Variants in CMIP observed in about 807,000 individuals in gnomAD.
CMIP encodes c-Maf inducing protein, also known as C-Maf-inducing protein.
In CMIP, 13 loss-of-function variants were observed where a neutral mutation model predicts 97.3. The ratio of observed to expected loss-of-function variants is 0.13; its 90% CI spans 0.09 to 0.21. CMIP has a LOEUF of 0.21. Among genes scored for constraint, CMIP ranks in the 10% least tolerant of loss-of-function variants. The pLI is 1.00. For synonymous variants in CMIP, 538 were observed against 436.3 expected, an observed-to-expected ratio of 1.23 and a Z score of -2.91; for missense variants, 847 against 1,024.9, an observed-to-expected ratio of 0.83 and a Z score of 2.37.
intron 2 of CMIP, chr16:81,610,492 A>C (rs2091813222): frequency 1.0e-6 from 1 of 985,492 alleles, no homozygotes; most frequent in Non-Finnish European, 1.2e-6. Context: ...CGAGCTAATG[A>C]GGGAGCAGCA....
At position 81,580,954 on chromosome 16, in the gene CMIP, C is replaced by T. The variant is rs191694938; in HGVS notation, c.301-26613C>T. Among the ~76,000 whole-genome samples, 6 of 152,330 alleles carry T rather than the reference C, an allele frequency of 3.9e-5. No homozygotes were observed. The East Asian group carries it at 7.7e-4, about 20-fold the overall frequency. On this transcript the variant is annotated intron_variant, in intron 1 of 20. Coordinates refer to ENST00000537098, the MANE Select transcript of CMIP (RefSeq NM_198390.3). ...CCCCATTCCCCTCTCTTCCAGCCCC[C>T]TGACAGCCATCAATTTCTGTCTTTT...
At chr16:81,684,941 G>A (rs1905229831) in intron 10 of CMIP, among the ~76,000 whole-genome samples, 1 of 152,356 alleles carries the variant, frequency 6.6e-6, no homozygotes, top group African/African-American at 2.4e-5. Flanking sequence ...CCCATCCTAG[G>A]ATAACAGGCC....
intron 1 of CMIP, chr16:81,607,055 A>AT (rs2091755876): frequency 6.4e-6 from 1 of 155,876 alleles, no homozygotes; most frequent in South Asian, 2.0e-4. Context: ...GGGAGTGTGG[A>AT]TTTTGTGGCC....
At chr16:81,656,112 G>A (rs930149613) in intron 4 of CMIP, among the ~76,000 whole-genome samples, 5 of 152,356 alleles carry the variant, frequency 3.3e-5, no homozygotes, top group Admixed American at 2.6e-4. Context: ...TGCATTCTAG[G>A]TATCTTGGGT....
chr16:81,528,448 A>G (rs1405668586), intron 1 of CMIP, among the ~76,000 whole-genome samples: 1 of 152,190 alleles, frequency 6.6e-6, no homozygotes, highest in Non-Finnish European at 1.5e-5. Context: ...AGCTGTGCTC[A>G]TGCATTGAAT....
At chr16:81,643,922 C>T (rs1037420182) in intron 3 of CMIP, among the ~76,000 whole-genome samples, 6 of 152,126 alleles carry the variant, frequency 3.9e-5, no homozygotes, top group African/African-American at 1.4e-4. Context: ...CCTAGTTTCT[C>T]AGGCCAGAGT....
At chr16:81,492,740 G>A (rs1174422955) in intron 1 of CMIP, among the ~76,000 whole-genome samples, 1 of 152,098 alleles carries the variant, frequency 6.6e-6, no homozygotes, top group Non-Finnish European at 1.5e-5. Flanking sequence ...AATAGACCAC[G>A]GAAACGGCAG....
chr16:81,512,696 TTTTA>T (rs1284723673), intron 1 of CMIP, among the ~76,000 whole-genome samples: 16 of 152,182 alleles, frequency 1.1e-4, no homozygotes, highest in Non-Finnish European at 1.9e-4. Flanking sequence ...TGAATTTCTT[TTTTA>T]TTAATAAAAT....
chr16:81,600,041 G>A (rs2091631285), intron 1 of CMIP, among the ~76,000 whole-genome samples: 1 of 152,016 alleles, frequency 6.6e-6, no homozygotes, highest in South Asian at 2.1e-4. Flanking sequence ...AGCACTTTGG[G>A]AGGCAGAGGT....
intron 15 of CMIP, among the ~76,000 whole-genome samples, chr16:81,700,848 G>A (rs1033295347): frequency 5.9e-5 from 9 of 152,216 alleles, no homozygotes; most frequent in Non-Finnish European, 1.2e-4. Context: ...GTACCTAGAG[G>A]TGCTGGGAAG....
chr16:81,513,281 C>G (rs1473436999), intron 1 of CMIP, among the ~76,000 whole-genome samples: 1 of 152,254 alleles, frequency 6.6e-6, no homozygotes, highest in Admixed American at 6.5e-5. Context: ...TGCCAGCAGG[C>G]TATTCAGAGG....
At chr16:81,644,786 T>C (rs1597187423) in intron 3 of CMIP, among the ~76,000 whole-genome samples, 2 of 152,188 alleles carry the variant, frequency 1.3e-5, no homozygotes, top group South Asian at 2.1e-4. Context: ...TGCACCTTGG[T>C]AGACCTTTTA....
At chr16:81,582,947 TG>T (rs2091320725) in intron 1 of CMIP, among the ~76,000 whole-genome samples, 1 of 152,122 alleles carries the variant, frequency 6.6e-6, no homozygotes, top group African/African-American at 2.4e-5. Flanking sequence ...CTCCTGACGG[TG>T]GCAGTGTGGG....
At chr16:81,450,304 T>C (rs1164753049) in intron 1 of CMIP, among the ~76,000 whole-genome samples, 1 of 152,180 alleles carries the variant, frequency 6.6e-6, no homozygotes, top group Admixed American at 6.5e-5. Flanking sequence ...ATATGGGGCA[T>C]CTCCTCTGTG....
chr16:81,644,329 G>T (rs548467349), intron 3 of CMIP, among the ~76,000 whole-genome samples: 2 of 152,216 alleles, frequency 1.3e-5, no homozygotes, highest in Admixed American at 6.5e-5. Context: ...GGCTGATTTT[G>T]TGACATGGAT....
At chr16:81,466,818 C>T (rs1040461402) in intron 1 of CMIP, among the ~76,000 whole-genome samples, 3 of 152,202 alleles carry the variant, frequency 2.0e-5, no homozygotes, top group Admixed American at 6.5e-5. Flanking sequence ...TCCCTGGGAA[C>T]TAGGAACAAA....
chr16:81,477,361 A>G (rs550994285), intron 1 of CMIP, among the ~76,000 whole-genome samples: 1 of 152,258 alleles, frequency 6.6e-6, no homozygotes, highest in South Asian at 2.1e-4. Context: ...GGGTTTCACC[A>G]TGTTGGCCAG....
chr16:81,461,425 A>G (rs2150738350), intron 1 of CMIP, among the ~76,000 whole-genome samples: 1 of 152,260 alleles, frequency 6.6e-6, no homozygotes, highest in Non-Finnish European at 1.5e-5. Context: ...GCCACTCCTC[A>G]TTGCCTTGAC....
chr16:81,555,002 G>C (rs1398335787), intron 1 of CMIP, among the ~76,000 whole-genome samples: 1 of 152,226 alleles, frequency 6.6e-6, no homozygotes, highest in East Asian at 1.9e-4. Context: ...AGTCTGCCTC[G>C]ACACACCCCT....
Sources: allele counts gnomAD v4.1 joint callset (sites outside exome capture counted in the v4.1 genomes callset), GRCh38; gene constraint gnomAD v4.1.1; transcripts MANE v1.5; gene names NCBI Gene and HGNC (gene_info 2026-07-23, HGNC 2026-07-21).